Variants in TOGARAM1 observed in about 807,000 individuals in gnomAD.
The protein encoded by TOGARAM1 is TOG array regulator of axonemal microtubules protein 1.
A neutral mutation model predicts 166.6 loss-of-function variants in TOGARAM1; 100 were observed. That is an observed-to-expected ratio of 0.60 (90% confidence interval 0.51 to 0.71). The LOEUF (loss-of-function observed/expected upper bound fraction) is 0.71, where lower values mean the gene tolerates loss of function less well. TOGARAM1 is among the 30% of genes least tolerant of loss of function. The pLI is 0.00. For missense variants in TOGARAM1, 2,029 were observed against 2,102.7 expected, an observed-to-expected ratio of 0.96 and a Z score of 0.69; for synonymous variants, 758 against 763.8, an observed-to-expected ratio of 0.99 and a Z score of 0.13.
At chr14:45,019,613 C>T (rs1594661623) in intron 7 of TOGARAM1, among the ~76,000 whole-genome samples, 1 of 152,146 alleles carries the variant, frequency 6.6e-6, no homozygotes, top group Non-Finnish European at 1.5e-5. Flanking sequence ...CTGCTGTGCT[C>T]TCAGGCGATA....
In TOGARAM1 at chr14:45,054,378, T is replaced by A. The variant is rs1294051595; in HGVS notation, c.4441-53T>A. ...TTTGAAAATTACATTGTGTAAATTA[T>A]TTCACTACTAGTTTTAAAATTTGTA... On this transcript the variant is annotated intron_variant, in intron 15 of 19. Transcript: ENST00000361462. The A allele has an allele frequency of 2.7e-6, 3 of 1,112,768 alleles. No individual in the cohort carries two copies. The East Asian group carries it at 7.7e-5, about 29-fold the overall frequency. 68.9% of individuals were successfully genotyped at this position (1,112,768 alleles called of 1,614,324 possible).
intron 6 of TOGARAM1, among the ~76,000 whole-genome samples, chr14:45,011,020 T>C (rs982710199): frequency 5.9e-5 from 9 of 152,228 alleles, no homozygotes; most frequent in Non-Finnish European, 1.2e-4. Flanking sequence ...GTAAAATCTA[T>C]TCTTTTTAAT....
intron 1 of TOGARAM1, among the ~76,000 whole-genome samples, chr14:44,987,771 C>T (rs1286496608): frequency 2.0e-5 from 3 of 148,784 alleles, no homozygotes; most frequent in Non-Finnish European, 1.5e-5. Flanking sequence ...ACCCAAAGGA[C>T]TATAAATCAT....
At chr14:45,019,934 G>C (rs895454978) in intron 7 of TOGARAM1, among the ~76,000 whole-genome samples, 2 of 152,148 alleles carry the variant, frequency 1.3e-5, no homozygotes. Context: ...CTCGGGAGGG[G>C]TGACTTCAGT....
intron 5 of TOGARAM1, 23 bp downstream of exon 5, chr14:45,006,290 G>T: frequency 6.5e-7 from 1 of 1,527,932 alleles, no homozygotes; most frequent in South Asian, 1.3e-5. Context: ...TATTTTTAAT[G>T]ACTTAAAAAT....
chr14:45,069,813 T>G (rs1358445697), intron 18 of TOGARAM1, among the ~76,000 whole-genome samples: 1 of 152,190 alleles, frequency 6.6e-6, no homozygotes, highest in African/African-American at 2.4e-5. Flanking sequence ...GCAGTTTCTT[T>G]AAAATCTAAA....
intron 1 of TOGARAM1, among the ~76,000 whole-genome samples, chr14:44,988,785 C>A (rs1203467709): frequency 1.3e-5 from 2 of 152,220 alleles, no homozygotes; most frequent in East Asian, 3.8e-4. Flanking sequence ...CAGTTGCTCT[C>A]GCTCACTTGA....
At chr14:44,970,713 G>T (rs1743319087) in intron 1 of TOGARAM1, among the ~76,000 whole-genome samples, 1 of 151,864 alleles carries the variant, frequency 6.6e-6, no homozygotes, top group African/African-American at 2.4e-5. Flanking sequence ...AGTTCCCCCT[G>T]TATTCCTAGT....
rs2138704127 is a variant in TOGARAM1, at chr14:44,964,191, A to G, written c.1770A>G (p.Ala590=). 1 of 1,614,224 alleles carries G rather than the reference A, an allele frequency of 6.2e-7. No homozygotes were observed. Among genetic ancestry groups the G allele is most frequent in the East Asian group, 2.2e-5 (1 of 44,884 alleles). Reference sequence around the variant, plus strand: ...CAGAGCAGGGATTTGTGGAATATGCAGTACTGATGCCATCTTCTGCCGGGG... The same window carrying G: ...CAGAGCAGGGATTTGTGGAATATGCGGTACTGATGCCATCTTCTGCCGGGG... ...RLTEQGFVEY[A]VLMPSSAGGR... The change falls in exon 1 of 20, where the codon GCA becomes GCG. Residue 590 remains alanine, a synonymous_variant. Transcript: ENST00000361462.
chr14:45,060,031 G>C (rs549297979), intron 16 of TOGARAM1, among the ~76,000 whole-genome samples: 116 of 150,400 alleles, frequency 7.7e-4, no homozygotes, highest in South Asian at 7.3e-3. Flanking sequence ...GCCTTTCCCA[G>C]CCTCCTGAGT....
At chr14:45,061,098 T>A (rs1274641433) in intron 16 of TOGARAM1, among the ~76,000 whole-genome samples, 1 of 152,268 alleles carries the variant, frequency 6.6e-6, no homozygotes, top group Non-Finnish European at 1.5e-5. Context: ...GTTGATTTTT[T>A]TCTTTACAGA....
intron 11 of TOGARAM1, among the ~76,000 whole-genome samples, chr14:45,039,648 A>G (rs1382820807): frequency 1.3e-5 from 2 of 152,124 alleles, no homozygotes; most frequent in Admixed American, 6.6e-5. Flanking sequence ...ATCAGCCACA[A>G]CTTTGCTCCA....
At chr14:44,974,382 T>G (rs1302086767) in intron 1 of TOGARAM1, among the ~76,000 whole-genome samples, 1 of 152,144 alleles carries the variant, frequency 6.6e-6, no homozygotes, top group African/African-American at 2.4e-5. Context: ...GCTTCATGAC[T>G]TATATTATCC....
intron 3 of TOGARAM1, among the ~76,000 whole-genome samples, chr14:45,000,798 G>A (rs10136540): frequency 0.027 from 4,171 of 152,206 alleles, 87 homozygotes; most frequent in Non-Finnish European, 0.044. Flanking sequence ...AGGCTGGAGT[G>A]CAATGGCTCA....
chr14:45,071,715 A>G lies in TOGARAM1; in HGVS notation c.4973A>G (p.Asn1658Ser), dbSNP rs374580449. The G allele has an allele frequency of 6.2e-5, 100 of 1,608,216 alleles. No homozygotes were observed. In the South Asian group the frequency reaches 9.0e-4, roughly 14 times the overall value. Residue 1658 changes from asparagine to serine, a missense_variant, in exon 19 of 20, where the codon AAT (asparagine) becomes AGT (serine). Asn to Ser is a conservative substitution (Grantham distance 46, BLOSUM62 1). Transcript: ENST00000361462. ...TCTCTGTGTTCTTTTTGTTTAGACAATTACTTACTTCTACAGCCATTTTGC... is the reference window on the plus strand; with the variant it reads ...TCTCTGTGTTCTTTTTGTTTAGACAGTTACTTACTTCTACAGCCATTTTGC... ...VVQALSQHVDNYLLLQPFCTK... is the reference protein window; with the variant it reads ...VVQALSQHVDSYLLLQPFCTK...
At chr14:45,026,407 G>A (rs1234048121) in intron 8 of TOGARAM1, among the ~76,000 whole-genome samples, 1 of 152,058 alleles carries the variant, frequency 6.6e-6, no homozygotes, top group African/African-American at 2.4e-5. Flanking sequence ...TCAATATAAT[G>A]AAATAGAATA....
chr14:45,028,443 C>T (rs957626187), intron 10 of TOGARAM1, 114 bp downstream of exon 10: 14 of 1,123,596 alleles, frequency 1.2e-5, no homozygotes, highest in South Asian at 1.5e-5. Context: ...TTATATAACA[C>T]CGAAATTTGC....
intron 11 of TOGARAM1, 99 bp downstream of exon 11, chr14:45,032,475 C>CAT: frequency 8.3e-7 from 1 of 1,206,468 alleles, no homozygotes; most frequent in Non-Finnish European, 1.2e-6. Flanking sequence ...TTAAAATAAT[C>CAT]TTAGAAATGA....
intron 11 of TOGARAM1, among the ~76,000 whole-genome samples, chr14:45,035,709 T>A (rs530485560): frequency 6.6e-6 from 1 of 152,050 alleles, no homozygotes; most frequent in African/African-American, 2.4e-5. Flanking sequence ...AGACTACTCA[T>A]CAAATACACT....
Sources: allele counts gnomAD v4.1 joint callset (sites outside exome capture counted in the v4.1 genomes callset), GRCh38; gene constraint gnomAD v4.1.1; transcripts MANE v1.5; gene names NCBI Gene and HGNC (gene_info 2026-07-23, HGNC 2026-07-21).